Variants in AXL observed in about 807,000 individuals in gnomAD.
AXL encodes the protein AXL receptor tyrosine kinase.
A neutral mutation model predicts 104.5 loss-of-function variants in AXL; 52 were observed. The observed-to-expected ratio is 0.50, with a 90% CI of 0.40 to 0.63. The LOEUF is 0.63. AXL is among the 20% of genes least tolerant of loss of function. AXL has a pLI of 0.00. For synonymous variants in AXL, 455 were observed against 473.7 expected (o/e 0.96, Z 0.51); for missense variants, 1,024 against 1,188.5 (o/e 0.86, Z 2.04).
At chr19:41,237,588 C>A (rs575740046) in intron 6 of AXL, among the ~76,000 whole-genome samples, 1 of 152,222 alleles carries the variant, frequency 6.6e-6, no homozygotes, top group African/African-American at 2.4e-5. Context: ...CGGTGCTGAC[C>A]ACCCGCCATG....
chr19:41,260,298 CTTTTTTTTT>C lies in AXL; in HGVS notation c.*417_*425del, dbSNP rs869213717. 3.7e-3 allele frequency: 182 copies of C among 48,620 alleles called. 4 individuals carry two copies. Among genetic ancestry groups the C allele is most frequent in the African/African-American group, 0.012 (138 of 11,748 alleles). The allele number at this position is 48,620 out of a possible 1,614,324, so 3.0% of individuals were successfully genotyped here. On this transcript the variant is annotated 3_prime_UTR_variant, in exon 20 of 20. Coordinates refer to ENST00000301178, the MANE Select transcript of AXL (RefSeq NM_021913.5). ...TAAAGTGCTAAGGTTCTAAGGCCTA[CTTTTTTTTT>C]TTTTTTTTTTTTTTTTTTTTTTGCG...
chr19:41,234,002 C>A (rs1568411604), intron 6 of AXL, among the ~76,000 whole-genome samples: 2 of 152,084 alleles, frequency 1.3e-5, no homozygotes, highest in Non-Finnish European at 2.9e-5. Context: ...GACCAACTGT[C>A]TGTACCCATC....
intron 1 of AXL, 134 bp from the exon 2 acceptor site, chr19:41,220,502 G>A (rs1000497395): frequency 1.4e-6 from 1 of 717,022 alleles, no homozygotes; most frequent in African/African-American, 1.8e-5. Context: ...CCACTCTGAG[G>A]TCACTCTGCA....
Position 41,256,539 on chromosome 19 carries a change from C to A in AXL, c.2124C>A (p.Ile708=), listed in dbSNP as rs558823493. ...YNGDYYRQGR[I]AKMPVKWIAI... is the part of the protein sequence containing the mutation. ...GGGACTACTACCGCCAGGGACGTAT[C>A]GCCAAGATGCCAGTCAAGTGGATTG... Residue 708 remains isoleucine, a synonymous_variant, in exon 18 of 20, where the codon ATC becomes ATA. Coordinates refer to ENST00000301178, the MANE Select transcript of AXL (RefSeq NM_021913.5). The A allele has an allele frequency of 6.2e-7, 1 of 1,614,216 alleles. No individual in the cohort carries two copies. Among genetic ancestry groups the A allele is most frequent in the South Asian group, 1.1e-5 (1 of 91,086 alleles).
chr19:41,221,011 A>G, intron 2 of AXL, 135 bp from the exon 3 acceptor site: 1 of 1,164,776 alleles, frequency 8.6e-7, no homozygotes, highest in Middle Eastern at 2.0e-4. Context: ...CTTCTGCAAA[A>G]TGAGTTAATA....
At chr19:41,221,629 T>G in intron 3 of AXL, 3 of 538,676 alleles carry the variant, frequency 5.6e-6, no homozygotes, top group East Asian at 3.3e-5. Flanking sequence ...GAGATGAGGA[T>G]GAGCTGTCAG....
At chr19:41,243,766 G>T (rs2034225194) in intron 12 of AXL, 59 bp downstream of exon 12, 2 of 1,483,108 alleles carry the variant, frequency 1.3e-6, no homozygotes, top group Admixed American at 3.3e-5. Context: ...AGAGAATCTG[G>T]CCTGCTGGGC....
At chr19:41,249,278 A>G (rs936489845) in intron 14 of AXL, among the ~76,000 whole-genome samples, 2 of 151,528 alleles carry the variant, frequency 1.3e-5, no homozygotes, top group African/African-American at 4.9e-5. Context: ...ATGTCTATGA[A>G]AAAAAAAATA....
intron 17 of AXL, among the ~76,000 whole-genome samples, chr19:41,255,843 C>G (rs2034444359): frequency 6.6e-6 from 1 of 152,130 alleles, no homozygotes; most frequent in Admixed American, 6.5e-5. Flanking sequence ...CTACTGGGTT[C>G]AACTGATTCT....
Position 41,248,532 on chromosome 19 carries a change from G to A in AXL, c.1556G>A (p.Ser519Asn), listed in dbSNP as rs775895014. Residue 519 changes from serine to asparagine, a missense_variant, in exon 13 of 20, where the codon AGT becomes AAT. Physicochemically the swap from Ser to Asn is conservative, Grantham distance 46. This residue lies in a region of AXL where 523 missense variants were observed against 636.0 expected (regional missense o/e 0.82). Transcript: ENST00000301178. ...CATGCAGTGAACAGCCTGGGCATCA[G>A]TGAAGAGCTGAAGGAGAAGCTGCGG... is the stretch of plus-strand genomic sequence containing the variant. Reference protein sequence around the residue: ...TEATLNSLGISEELKEKLRDV... With the variant: ...TEATLNSLGINEELKEKLRDV... 16 of 1,614,220 alleles carry A rather than the reference G, an allele frequency of 9.9e-6. No individual in the cohort carries two copies. The highest frequency in any genetic ancestry group is 1.4e-5 in the Non-Finnish European group (16 of 1,180,046).
At chr19:41,221,004 C>T in intron 2 of AXL, 142 bp from the exon 3 acceptor site, 1 of 1,182,898 alleles carries the variant, frequency 8.5e-7, no homozygotes, top group South Asian at 1.5e-5. Flanking sequence ...TTTTCCTCTT[C>T]TGCAAAATGA....
chr19:41,225,134 G>A (rs1169050003), intron 4 of AXL, among the ~76,000 whole-genome samples: 1 of 152,206 alleles, frequency 6.6e-6, no homozygotes, highest in Admixed American at 6.5e-5. Context: ...CTCCTGAGGA[G>A]CTGCGATTAC....
At chr19:41,238,373 G>C (rs2034119392) in intron 7 of AXL, 97 bp from the exon 8 acceptor site, 2 of 1,553,180 alleles carry the variant, frequency 1.3e-6, no homozygotes, top group Middle Eastern at 2.3e-4. Flanking sequence ...AGTTGCCCAC[G>C]TGTGTGCCCT....
chr19:41,258,614 C>T (rs954707314), intron 19 of AXL, among the ~76,000 whole-genome samples: 7 of 152,140 alleles, frequency 4.6e-5, no homozygotes, highest in Non-Finnish European at 1.0e-4. Context: ...GATGGGGTTT[C>T]ACCACCTTAG....
chr19:41,221,734 C>A, intron 3 of AXL, 146 bp from the exon 4 acceptor site: 1 of 818,476 alleles, frequency 1.2e-6, no homozygotes, highest in Non-Finnish European at 1.9e-6. Context: ...TTGGGTATGG[C>A]TCAGGTGCCC....
intron 17 of AXL, 103 bp from the exon 18 acceptor site, chr19:41,256,349 G>C: frequency 7.2e-7 from 1 of 1,388,786 alleles, no homozygotes; most frequent in Non-Finnish European, 1.0e-6. Flanking sequence ...CCCGCAGCCA[G>C]GACAGTGAGG....
chr19:41,248,785 A>G lies in AXL; in HGVS notation c.1676A>G (p.Asp559Gly). Residue 559 changes from aspartate (D) to glycine (G), a missense_variant, in exon 14 of 20, where the codon GAC (aspartate) becomes GGC (glycine). Transcript: ENST00000301178. ...AVMEGQLNQD[D>G]SILKVAVKTM... ...ATGGAAGGCCAGCTCAACCAGGACG[A>G]CTCCATCCTCAAGGTGGCTGTGAAG... The G allele has an allele frequency of 6.2e-7, 1 of 1,613,220 alleles. No individual in the cohort carries two copies. Among genetic ancestry groups the G allele is most frequent in the Non-Finnish European group, 8.5e-7 (1 of 1,179,700 alleles).
chr19:41,238,521 C>T lies in AXL; in HGVS notation c.1046C>T (p.Ala349Val), dbSNP rs866703146. Reference protein sequence around the residue: ...NISATRNGSQAFVHWQEPRAP... With the variant: ...NISATRNGSQVFVHWQEPRAP... The stretch of plus-strand genomic sequence containing the variant: ...AGTGCTACGCGGAATGGGAGCCAGG[C>T]CTTCGTGCATTGGCAAGAGCCCCGG... The change falls in exon 8 of 20, where the codon GCC becomes GTC. Residue 349 changes from alanine to valine, a missense_variant. This residue lies in a region of AXL where 332 missense variants were observed against 343.9 expected (regional missense o/e 0.97). Coordinates refer to ENST00000301178, the MANE Select transcript of AXL (RefSeq NM_021913.5). 1 of 1,614,024 alleles carries T rather than the reference C, an allele frequency of 6.2e-7. No homozygotes were observed. The highest frequency in any genetic ancestry group is 8.5e-7 in the Non-Finnish European group (1 of 1,179,964).
chr19:41,220,347 C>T (rs779190448), intron 1 of AXL: 41 of 370,788 alleles, frequency 1.1e-4, no homozygotes, highest in Admixed American at 3.9e-4. Context: ...TAAGAGAGGA[C>T]GGAGGGGGCA....
Sources: gnomAD v4.1 joint callset for allele counts (sites outside exome capture counted in the v4.1 genomes callset) on GRCh38, gnomAD v4.1.1 for gene constraint, gnomAD v4.1.1 regional missense constraint, MANE v1.5 for transcripts, NCBI Gene and HGNC (gene_info 2026-07-23, HGNC 2026-07-21) for gene names.